ZNF143: variants seen among roughly 807,000 people sequenced by gnomAD.
ZNF143 encodes the protein zinc finger protein 143.
ZNF143 carries 49 observed loss-of-function variants against 74.1 expected under a neutral mutation model. The observed-to-expected ratio is 0.66, with a 90% CI of 0.53 to 0.84. The LOEUF (loss-of-function observed/expected upper bound fraction) is 0.84. Ranked by LOEUF, ZNF143 falls within the 40% of genes least tolerant of loss-of-function variation. The probability of loss-of-function intolerance (pLI) is 0.00; values close to 1 mark genes in which losing one functional copy is unlikely to be tolerated. For missense variants in ZNF143, 637 were observed against 793.4 expected, an observed-to-expected ratio of 0.80 and a Z score of 2.37; for synonymous variants, 304 against 282.8, an observed-to-expected ratio of 1.07 and a Z score of -0.75.
chr11:9,472,620 TAATC>T, intron 2 of ZNF143, 53 bp from the exon 3 acceptor site: 1 of 1,434,386 alleles, frequency 7.0e-7, no homozygotes, highest in Non-Finnish European at 9.7e-7. Flanking sequence ...AAAAAAAAAT[TAATC>T]AGCATGTCCA....
chr11:9,520,323 A>ATTTT (rs984661960), intron 14 of ZNF143, among the ~76,000 whole-genome samples: 3 of 122,422 alleles, frequency 2.5e-5, no homozygotes, highest in Admixed American at 8.4e-5. Flanking sequence ...TGCCTGTCCA[A>ATTTT]TTTTTTTTTT....
At chr11:9,526,403 C>T (rs1359866947) in intron 15 of ZNF143, among the ~76,000 whole-genome samples, 3 of 151,996 alleles carry the variant, frequency 2.0e-5, no homozygotes, top group African/African-American at 7.3e-5. Context: ...GGGCTAGGTG[C>T]AGATTACCTG....
intron 7 of ZNF143, 102 bp from the exon 8 acceptor site, chr11:9,494,544 C>G: frequency 8.3e-7 from 1 of 1,208,594 alleles, no homozygotes; most frequent in South Asian, 1.5e-5. Context: ...CTCCTGGGCT[C>G]AAATGATCCG....
rs1005839319 is a variant in ZNF143 at position 9,522,882 on chromosome 11, C to T, written c.1687-2358C>T. Among the ~76,000 whole-genome samples, 4 of 151,928 alleles carry T rather than the reference C, an allele frequency of 2.6e-5. No individual in the cohort carries two copies. In the South Asian group the frequency reaches 8.3e-4, roughly 32 times the overall value. On this transcript the variant is annotated intron_variant, in intron 14 of 15. Transcript: ENST00000396602. ...TTTGACCTGGTTCTCCTCCCTCAGC[C>T]TCCCGAGTAGCTGGGACTACAGGCA...
At chr11:9,466,331 T>C (rs1856211901) in intron 1 of ZNF143, among the ~76,000 whole-genome samples, 1 of 146,468 alleles carries the variant, frequency 6.8e-6, no homozygotes, top group South Asian at 2.2e-4. Context: ...GTCTTGCTCT[T>C]GTTGCCCAGG....
At chr11:9,475,914 G>A (rs576621339) in intron 5 of ZNF143, among the ~76,000 whole-genome samples, 7,048 of 111,238 alleles carry the variant, frequency 0.063, 201 homozygotes, top group Non-Finnish European at 0.086. Context: ...ATATATATGT[G>A]TGTGTGTGTG....
chr11:9,465,950 C>G (rs1856185468), intron 1 of ZNF143, among the ~76,000 whole-genome samples: 1 of 151,710 alleles, frequency 6.6e-6, no homozygotes, highest in Non-Finnish European at 1.5e-5. Flanking sequence ...TCCTCAGCCT[C>G]CCAAGTGGCT....
intron 14 of ZNF143, among the ~76,000 whole-genome samples, chr11:9,522,294 G>A (rs984229092): frequency 6.6e-6 from 1 of 152,012 alleles, no homozygotes. Context: ...CGAGTAGCTG[G>A]GACCCAGGCT....
At chr11:9,464,953 C>G (rs896151860) in intron 1 of ZNF143, among the ~76,000 whole-genome samples, 1 of 151,766 alleles carries the variant, frequency 6.6e-6, no homozygotes, top group Non-Finnish European at 1.5e-5. Flanking sequence ...GCTAAATGGC[C>G]TATAAGGGTA....
At chr11:9,523,729 G>A (rs1200255566) in intron 14 of ZNF143, among the ~76,000 whole-genome samples, 7 of 149,100 alleles carry the variant, frequency 4.7e-5, no homozygotes, top group South Asian at 2.1e-4. Flanking sequence ...GTGAGACTCC[G>A]TCTCAAAAAA....
chr11:9,484,809 T>TTTTTTTTTTTTTTTTTTTTG (rs1847400438), intron 7 of ZNF143, among the ~76,000 whole-genome samples: 1 of 119,652 alleles, frequency 8.4e-6, no homozygotes, highest in Non-Finnish European at 1.7e-5. Flanking sequence ...GATTTTTTTT[T>TTTTTTTTTTTTTTTTTTTTG]TTTTTTGAGA....
intron 1 of ZNF143, among the ~76,000 whole-genome samples, chr11:9,466,934 C>G (rs940314363): frequency 7.9e-5 from 12 of 151,774 alleles, no homozygotes; most frequent in Admixed American, 4.6e-4. Context: ...CTCTGTGTCA[C>G]CCAGGCTGGA....
At chr11:9,500,212 GC>G (rs1848109173) in intron 10 of ZNF143, among the ~76,000 whole-genome samples, 1 of 152,048 alleles carries the variant, frequency 6.6e-6, no homozygotes, top group Non-Finnish European at 1.5e-5. Context: ...CTCTCAAAGT[GC>G]TGGGATTACA....
At position 9,486,336 on chromosome 11, in the gene ZNF143, T is replaced by TTATATTATATA. The variant is rs1185681538; in HGVS notation, c.645+6815_645+6825dup. On this transcript the variant is annotated intron_variant, in intron 7 of 15. Coordinates refer to ENST00000396602, the MANE Select transcript of ZNF143 (RefSeq NM_003442.6). ...AGAATATAATGGTCCTAGGCGCTAA[T>TTATATTATATA]TATATTATATATATATTATATATAT... is the stretch of plus-strand genomic sequence containing the variant. Among the ~76,000 whole-genome samples, 97 of 80,416 alleles carry TTATATTATATA rather than the reference T, an allele frequency of 1.2e-3. 2 individuals are homozygous for TTATATTATATA. Among genetic ancestry groups the TTATATTATATA allele is most frequent in the Non-Finnish European group, 2.1e-3 (88 of 42,162 alleles). The allele number at this position is 80,416 out of a possible 152,430, so 52.8% of individuals were successfully genotyped here.
intron 11 of ZNF143, among the ~76,000 whole-genome samples, chr11:9,502,967 A>T (rs1289514120): frequency 6.6e-6 from 1 of 152,016 alleles, no homozygotes; most frequent in African/African-American, 2.4e-5. Flanking sequence ...AGTAGCTGGG[A>T]CTATAGGCGC....
chr11:9,472,858 T>C (rs117443127), intron 3 of ZNF143, 89 bp downstream of exon 3: 2 of 867,252 alleles, frequency 2.3e-6, no homozygotes, highest in Non-Finnish European at 3.4e-6. Flanking sequence ...ACCTTTCCTA[T>C]GTCTCCTAAA....
rs149883082 is a variant in ZNF143 at position 9,463,247 on chromosome 11, G to A, written c.-8+2171G>A. 2.2e-3 allele frequency among the ~76,000 whole-genome samples: 338 copies of A among 152,270 alleles called. 2 individuals carry two copies. Among genetic ancestry groups the A allele is most frequent in the Non-Finnish European group, 2.8e-3 (193 of 68,026 alleles). On this transcript the variant is annotated intron_variant, in intron 1 of 15. Coordinates refer to ENST00000396602, the MANE Select transcript of ZNF143 (RefSeq NM_003442.6). ...CACATAATGCTATGAACATTTGTAC[G>A]AAAGTTTTTGTGTGGACATAGGTTT...
chr11:9,503,564 T>C (rs933756885), intron 11 of ZNF143, among the ~76,000 whole-genome samples: 1 of 152,194 alleles, frequency 6.6e-6, no homozygotes, highest in Non-Finnish European at 1.5e-5. Flanking sequence ...TTTTTTATTA[T>C]AGCCATCTTA....
chr11:9,473,305 C>T (rs1199119735), intron 3 of ZNF143, among the ~76,000 whole-genome samples: 2 of 151,092 alleles, frequency 1.3e-5, no homozygotes, highest in East Asian at 1.9e-4. Flanking sequence ...GCAGGAGAGT[C>T]GCTTGAACCC....
Sources: allele counts gnomAD v4.1 joint callset (sites outside exome capture counted in the v4.1 genomes callset), GRCh38; gene constraint gnomAD v4.1.1; transcripts MANE v1.5; gene names NCBI Gene and HGNC (gene_info 2026-07-23, HGNC 2026-07-21).